Variants in DMD observed in about 807,000 individuals in gnomAD.
DMD encodes mutant dystrophin.
A neutral mutation model predicts 330.1 loss-of-function variants in DMD; 63 were observed. The observed-to-expected ratio is 0.19, with a 90% CI of 0.16 to 0.24. The LOEUF is 0.24. DMD is among the 10% of genes least tolerant of loss of function. DMD has a pLI of 1.00. For missense variants in DMD, 3,344 were observed against 2,684.1 expected (o/e 1.25, Z -5.43); for synonymous variants, 1,223 against 959.8 (o/e 1.27, Z -5.07).
In DMD at chrX:32,819,005, G is replaced by GTTTT. The variant is rs55923814; in HGVS notation, c.358-2369_358-2366dup. On this transcript the variant is annotated intron_variant, in intron 5 of 78. Transcript: ENST00000357033. ...CTGTCACCTCTGCCCTTCTACAGGT[G>GTTTT]TTTTTTTTTTTTTTTTTTTTTCCAG... Among the ~76,000 whole-genome samples, 387 of 69,721 alleles carry GTTTT rather than the reference G, an allele frequency of 5.6e-3. 10 individuals are homozygous for GTTTT. Among genetic ancestry groups the GTTTT allele is most frequent in the East Asian group, 0.031 (69 of 2,225 alleles). 60.5% of individuals were successfully genotyped at this position (69,721 alleles called of 115,157 possible). A position where few individuals can be genotyped will look rare whatever the true frequency, so the allele number is the denominator to read the frequency against.
intron 29 of DMD, among the ~76,000 whole-genome samples, chrX:32,429,484 G>A (rs2098229010): frequency 1.0e-5 from 1 of 100,011 alleles, no homozygotes; most frequent in Non-Finnish European, 2.0e-5. Flanking sequence ...CAAAGTGCTG[G>A]GATTAAGGCA....
intron 2 of DMD, among the ~76,000 whole-genome samples, chrX:32,932,283 G>C (rs1234539591): frequency 8.9e-6 from 1 of 112,255 alleles, no homozygotes; most frequent in Non-Finnish European, 1.9e-5. Context: ...GCTCTTTTGT[G>C]AAAATTGCCT....
chrX:32,754,504 T>A (rs989662015), intron 7 of DMD, among the ~76,000 whole-genome samples: 6 of 106,995 alleles, frequency 5.6e-5, no homozygotes, highest in Non-Finnish European at 9.6e-5. Flanking sequence ...CCCGATACCA[T>A]AGAACCTTAG....
chrX:33,323,033 C>A (rs898324350), intron 1 of DMD, among the ~76,000 whole-genome samples: 7 of 111,463 alleles, frequency 6.3e-5, no homozygotes, highest in African/African-American at 2.3e-4. Flanking sequence ...AGCTGTCATG[C>A]AAAACCCAGA....
At chrX:32,521,505 T>C (rs35751684) in intron 17 of DMD, among the ~76,000 whole-genome samples, 5,303 of 111,954 alleles carry the variant, frequency 0.047, 289 homozygotes, top group African/African-American at 0.16. Flanking sequence ...TACTCTACTA[T>C]CTCTCACCAG....
intron 9 of DMD, among the ~76,000 whole-genome samples, chrX:32,667,835 G>A (rs2061406272): frequency 1.0e-5 from 1 of 100,303 alleles, no homozygotes; most frequent in South Asian, 4.6e-4. Context: ...GCATCTTGAT[G>A]AGCTACTTAA....
At chrX:31,889,665 ACACACACACACACACACG>A (rs200557055) in intron 47 of DMD, among the ~76,000 whole-genome samples, 17,615 of 105,252 alleles carry the variant, frequency 0.17, 1,253 homozygotes, top group African/African-American at 0.24. Flanking sequence ...ACACACACAC[ACACACACACACACACACG>A]CACACCACAG....
At chrX:31,725,778 T>G (rs2085991877) in intron 52 of DMD, among the ~76,000 whole-genome samples, 1 of 112,165 alleles carries the variant, frequency 8.9e-6, no homozygotes, top group Admixed American at 9.4e-5. Flanking sequence ...AACAAGGCTC[T>G]TAAATCCAAA....
At chrX:31,975,612 T>A (rs1268764158) in intron 44 of DMD, among the ~76,000 whole-genome samples, 1 of 112,173 alleles carries the variant, frequency 8.9e-6, no homozygotes, top group Non-Finnish European at 1.9e-5. Flanking sequence ...TCTACATGAT[T>A]ACTAGCATGC....
chrX:32,603,041 A>G (rs985320878), intron 12 of DMD, among the ~76,000 whole-genome samples: 14 of 111,595 alleles, frequency 1.3e-4, no homozygotes, highest in African/African-American at 4.2e-4. Context: ...AGAACATTCT[A>G]TTCTACCACC....
intron 53 of DMD, among the ~76,000 whole-genome samples, chrX:31,669,332 C>T (rs920807982): frequency 1.2e-4 from 13 of 111,943 alleles, no homozygotes; most frequent in Middle Eastern, 4.6e-3. Flanking sequence ...CATCTCACTG[C>T]GATTGTAATA....
intron 74 of DMD, among the ~76,000 whole-genome samples, chrX:31,164,501 A>C (rs1302534948): frequency 9.0e-6 from 1 of 111,730 alleles, no homozygotes; most frequent in East Asian, 2.8e-4. Flanking sequence ...TTTTGTAGTT[A>C]CCAGCCCTGG....
chrX:32,458,426 G>C (rs184580908), intron 25 of DMD, among the ~76,000 whole-genome samples: 1 of 110,940 alleles, frequency 9.0e-6, no homozygotes, highest in Non-Finnish European at 1.9e-5. Context: ...CCATGTCTTG[G>C]CTATTGTAAA....
At position 32,338,825 on chromosome X, in the gene DMD, C is replaced by T. The variant is rs186133218; in HGVS notation, c.5922+3275G>A. On this transcript the variant is annotated intron_variant, in intron 41 of 78. Coordinates refer to ENST00000357033, the MANE Select transcript of DMD (RefSeq NM_004006.3). ...AGGGGCAGTTTAGGGAAAATCATGCCCTTTCTTGGCAGTCATCAGATTTGT... is the reference window on the plus strand; with the variant it reads ...AGGGGCAGTTTAGGGAAAATCATGCTCTTTCTTGGCAGTCATCAGATTTGT... Among the ~76,000 whole-genome samples the T allele has an allele frequency of 2.5e-3, 274 of 110,963 alleles. 1 individual carries two copies. Among genetic ancestry groups the T allele is most frequent in the African/African-American group, 8.4e-3 (256 of 30,614 alleles).
chrX:31,842,659 C>T (rs1247711198), intron 48 of DMD, among the ~76,000 whole-genome samples: 1 of 112,143 alleles, frequency 8.9e-6, no homozygotes, highest in African/African-American at 3.2e-5. Flanking sequence ...AAGATTAAGA[C>T]TCATTGAAGG....
At chrX:31,518,665 G>C (rs369998882) in intron 55 of DMD, among the ~76,000 whole-genome samples, 1 of 110,180 alleles carries the variant, frequency 9.1e-6, no homozygotes, top group Non-Finnish European at 1.9e-5. Flanking sequence ...ATGAGGGGTG[G>C]GGGTAGGGTA....
intron 13 of DMD, among the ~76,000 whole-genome samples, chrX:32,593,834 A>T (rs916033335): frequency 8.9e-6 from 1 of 112,570 alleles, no homozygotes; most frequent in Admixed American, 9.4e-5. Flanking sequence ...GTTAACTGGC[A>T]TCACTGCCTA....
chrX:32,368,883 CTT>C (rs1176413334), intron 34 of DMD, among the ~76,000 whole-genome samples: 2 of 111,333 alleles, frequency 1.8e-5, no homozygotes, highest in Non-Finnish European at 3.8e-5. Context: ...AACTCAGACA[CTT>C]TAGGTTTTTC....
chrX:32,238,483 C>T (rs1420511714), intron 43 of DMD, among the ~76,000 whole-genome samples: 1 of 109,306 alleles, frequency 9.1e-6, no homozygotes, highest in Non-Finnish European at 1.9e-5. Flanking sequence ...GAAAGAGAGA[C>T]ACAGAGAGAG....
Sources: gnomAD v4.1 joint callset for allele counts (sites outside exome capture counted in the v4.1 genomes callset) on GRCh38, gnomAD v4.1.1 for gene constraint, MANE v1.5 for transcripts, NCBI Gene and HGNC (gene_info 2026-07-23, HGNC 2026-07-21) for gene names.